Variants in FAM120A observed in about 807,000 individuals in gnomAD.
FAM120A encodes constitutive coactivator of PPAR-gamma-like protein 1.
Under a neutral mutation model 109.7 loss-of-function variants are expected in FAM120A, and 15 were observed. The observed-to-expected ratio is 0.14, with a 90% CI of 0.09 to 0.21. The LOEUF (loss-of-function observed/expected upper bound fraction) is 0.21, where lower values mean the gene tolerates loss of function less well. FAM120A is among the 10% of genes least tolerant of loss of function. The pLI, the probability that FAM120A is intolerant of heterozygous loss-of-function variation, is 1.00. For synonymous variants in FAM120A, 493 were observed against 572.8 expected (o/e 0.86, Z 1.99); for missense variants, 899 against 1,439.3 (o/e 0.62, Z 6.07).
chr9:93,501,232 C>T (rs953763353), intron 5 of FAM120A, among the ~76,000 whole-genome samples: 59 of 152,086 alleles, frequency 3.9e-4, no homozygotes, highest in Non-Finnish European at 1.6e-4. Flanking sequence ...GGAAAATCTA[C>T]TTAGGAGAAA....
chr9:93,464,513 C>T (rs1471776649), intron 1 of FAM120A, among the ~76,000 whole-genome samples: 1 of 152,186 alleles, frequency 6.6e-6, no homozygotes, highest in African/African-American at 2.4e-5. Context: ...CCCATCCTGG[C>T]TGCCCCAGGT....
At chr9:93,538,589 A>G (rs1010879221) in intron 10 of FAM120A, among the ~76,000 whole-genome samples, 8 of 152,160 alleles carry the variant, frequency 5.3e-5, no homozygotes, top group African/African-American at 1.9e-4. Context: ...TTCCTCACCT[A>G]TGAACAGGCG....
chr9:93,474,429 G>A (rs4744242), intron 2 of FAM120A, among the ~76,000 whole-genome samples: 3 of 151,910 alleles, frequency 2.0e-5, no homozygotes, highest in African/African-American at 7.3e-5. Context: ...TTTCCCTTCT[G>A]TAATGGAAAG....
At chr9:93,535,380 G>A (rs1861479021) in intron 10 of FAM120A, among the ~76,000 whole-genome samples, 1 of 152,234 alleles carries the variant, frequency 6.6e-6, no homozygotes. Context: ...TGTATGGACT[G>A]AACCAAAACA....
chr9:93,488,401 T>G (rs1482199886), intron 3 of FAM120A, among the ~76,000 whole-genome samples: 1 of 152,100 alleles, frequency 6.6e-6, no homozygotes, highest in East Asian at 1.9e-4. Flanking sequence ...GCCCTCCTGC[T>G]TGGCTTTCCA....
chr9:93,562,025 T>C (rs1395815575), intron 16 of FAM120A, among the ~76,000 whole-genome samples, 183 bp from the exon 17 acceptor site: 2 of 152,204 alleles, frequency 1.3e-5, no homozygotes, highest in Non-Finnish European at 2.9e-5. Context: ...TGGGAGTTCT[T>C]TATGTCCTAC....
chr9:93,451,731 C>G lies in FAM120A; in HGVS notation c.-185C>G. 1.1e-5 allele frequency: 11 copies of G among 986,906 alleles called. No individual in the cohort carries two copies. The highest frequency in any genetic ancestry group is 1.3e-5 in the Non-Finnish European group (11 of 832,980). The allele number at this position is 986,906 out of a possible 1,614,324, so 61.1% of individuals were successfully genotyped here. On this transcript the variant is annotated 5_prime_UTR_variant, in exon 1 of 18. Transcript: ENST00000277165. ...GCGGCGGCGGCGGCAGGTCCCTCCC[C>G]AGACATGGCCCTGGGAGGCGGCAGC...
chr9:93,541,836 C>T (rs1317370785), intron 10 of FAM120A, among the ~76,000 whole-genome samples: 2 of 152,200 alleles, frequency 1.3e-5, no homozygotes, highest in Non-Finnish European at 2.9e-5. Context: ...ATACGTGACA[C>T]TGTTACCTGA....
intron 12 of FAM120A, among the ~76,000 whole-genome samples, chr9:93,552,033 T>C (rs1212953724): frequency 6.6e-6 from 1 of 152,198 alleles, no homozygotes; most frequent in Non-Finnish European, 1.5e-5. Context: ...CAGATTGTGC[T>C]TCAGGGGGTT....
intron 16 of FAM120A, 22 bp from the exon 17 acceptor site, chr9:93,562,186 T>C: frequency 6.4e-7 from 1 of 1,572,676 alleles, no homozygotes; most frequent in South Asian, 1.1e-5. Flanking sequence ...GTGTTTACTG[T>C]TGTCCTTTTT....
chr9:93,468,055 T>C (rs1001984281), intron 1 of FAM120A, among the ~76,000 whole-genome samples: 2 of 152,098 alleles, frequency 1.3e-5, no homozygotes, highest in African/African-American at 4.8e-5. Context: ...CTAATTTTTT[T>C]GTATTTTTAG....
intron 16 of FAM120A, among the ~76,000 whole-genome samples, 175 bp downstream of exon 16, chr9:93,561,425 C>T (rs1008754274): frequency 3.9e-5 from 6 of 152,084 alleles, no homozygotes; most frequent in African/African-American, 1.2e-4. Flanking sequence ...AAGATGGGGT[C>T]TCACTGTCAC....
At chr9:93,516,618 T>C (rs1311741532) in intron 7 of FAM120A, among the ~76,000 whole-genome samples, 1 of 152,108 alleles carries the variant, frequency 6.6e-6, no homozygotes, top group Non-Finnish European at 1.5e-5. Flanking sequence ...AGCAACCCCC[T>C]GCCGACCCCC....
At chr9:93,462,510 G>A (rs1442235004) in intron 1 of FAM120A, among the ~76,000 whole-genome samples, 1 of 152,140 alleles carries the variant, frequency 6.6e-6, no homozygotes. Flanking sequence ...TTGAACTCCT[G>A]ACCTCAAGTG....
intron 7 of FAM120A, among the ~76,000 whole-genome samples, chr9:93,520,468 A>G (rs958693245): frequency 6.6e-6 from 1 of 152,254 alleles, no homozygotes; most frequent in Admixed American, 6.5e-5. Flanking sequence ...AACTTAGACC[A>G]TAAGATACCT....
intron 5 of FAM120A, among the ~76,000 whole-genome samples, chr9:93,503,581 G>A (rs1347263871): frequency 1.3e-5 from 2 of 152,126 alleles, no homozygotes; most frequent in African/African-American, 2.4e-5. Context: ...TTGTGGGGAG[G>A]GAGGGATGAT....
At chr9:93,469,808 C>A (rs547333564) in intron 1 of FAM120A, among the ~76,000 whole-genome samples, 2 of 151,858 alleles carry the variant, frequency 1.3e-5, no homozygotes, top group South Asian at 2.1e-4. Flanking sequence ...TCTTCTTTTA[C>A]GTATGCATCT....
chr9:93,493,223 G>T (rs1859410622), intron 3 of FAM120A, among the ~76,000 whole-genome samples: 1 of 152,192 alleles, frequency 6.6e-6, no homozygotes, highest in Admixed American at 6.5e-5. Context: ...TGAGTGGTAT[G>T]GTCTTGTTTT....
At chr9:93,496,703 C>T (rs1427598597) in intron 3 of FAM120A, among the ~76,000 whole-genome samples, 2 of 152,206 alleles carry the variant, frequency 1.3e-5, no homozygotes, top group Non-Finnish European at 2.9e-5. Context: ...TGAATTTTGC[C>T]ACGCAATGCA....
Sources: allele counts gnomAD v4.1 joint callset (sites outside exome capture counted in the v4.1 genomes callset), GRCh38; gene constraint gnomAD v4.1.1; transcripts MANE v1.5; gene names NCBI Gene and HGNC (gene_info 2026-07-23, HGNC 2026-07-21).